Variants in ZNF423 observed in about 807,000 individuals in gnomAD.
ZNF423 encodes the protein Ebf-associated zinc finger protein.
In ZNF423, 12 loss-of-function variants were observed where a neutral mutation model predicts 95.8. That is an observed-to-expected ratio of 0.13 (90% CI 0.08 to 0.20). The LOEUF (loss-of-function observed/expected upper bound fraction) is 0.20, where lower values mean the gene tolerates loss of function less well. Among genes scored for constraint, ZNF423 ranks in the 10% least tolerant of loss-of-function variants. The pLI is 1.00. For missense variants in ZNF423, 1,316 were observed against 1,737.1 expected (o/e 0.76, Z 4.31); for synonymous variants, 749 against 711.9 (o/e 1.05, Z -0.83).
intron 1 of ZNF423, among the ~76,000 whole-genome samples, chr16:49,821,750 G>C (rs1014371503): frequency 6.6e-6 from 1 of 152,154 alleles, no homozygotes; most frequent in East Asian, 1.9e-4. Context: ...GTGTGCGAAG[G>C]CCGAGCCTGG....
chr16:49,541,828 T>C (rs1969259517), intron 5 of ZNF423, among the ~76,000 whole-genome samples: 1 of 152,194 alleles, frequency 6.6e-6, no homozygotes, highest in East Asian at 1.9e-4. Context: ...CCTGCTGCCA[T>C]GTGAAGAAGG....
chr16:49,551,709 G>C (rs1969643913), intron 5 of ZNF423, among the ~76,000 whole-genome samples: 1 of 152,200 alleles, frequency 6.6e-6, no homozygotes, highest in Admixed American at 6.5e-5. Context: ...GGAAGGGTGA[G>C]GAGACCCTCG....
chr16:49,721,028 G>A (rs933238216), intron 3 of ZNF423, among the ~76,000 whole-genome samples: 1 of 152,258 alleles, frequency 6.6e-6, no homozygotes, highest in African/African-American at 2.4e-5. Flanking sequence ...TCGAAAAGGT[G>A]GAGCCTGGAG....
chr16:49,697,760 C>T (rs989610452), intron 3 of ZNF423, among the ~76,000 whole-genome samples: 1 of 152,240 alleles, frequency 6.6e-6, no homozygotes. Context: ...TGTGTCCCAG[C>T]GTGTGCACGT....
chr16:49,758,722 G>A (rs1252497006), intron 2 of ZNF423, among the ~76,000 whole-genome samples: 2 of 152,142 alleles, frequency 1.3e-5, no homozygotes, highest in Non-Finnish European at 2.9e-5. Context: ...CAGCCTGGGC[G>A]ACAGAGTGGT....
At chr16:49,793,949 T>C (rs1597014939) in intron 1 of ZNF423, among the ~76,000 whole-genome samples, 1 of 152,176 alleles carries the variant, frequency 6.6e-6, no homozygotes, top group South Asian at 2.1e-4. Context: ...TCTGTAGCCC[T>C]ACATGTTTTG....
At chr16:49,739,125 G>T (rs2033357047) in intron 2 of ZNF423, among the ~76,000 whole-genome samples, 1 of 152,114 alleles carries the variant, frequency 6.6e-6, no homozygotes, top group Non-Finnish European at 1.5e-5. Flanking sequence ...GCAGCTGGGG[G>T]ACCATGAACA....
intron 1 of ZNF423, among the ~76,000 whole-genome samples, chr16:49,818,914 T>G (rs1348794761): frequency 6.6e-6 from 1 of 151,752 alleles, no homozygotes; most frequent in African/African-American, 2.4e-5. Context: ...TAAATACATA[T>G]TGTTAAAATA....
chr16:49,653,050 A>C (rs1973471491), intron 3 of ZNF423, among the ~76,000 whole-genome samples: 1 of 152,066 alleles, frequency 6.6e-6, no homozygotes. Context: ...ATCAATAATA[A>C]CTCACCCTAT....
intron 3 of ZNF423, among the ~76,000 whole-genome samples, chr16:49,702,551 C>A (rs907102302): frequency 6.6e-6 from 1 of 151,926 alleles, no homozygotes; most frequent in Non-Finnish European, 1.5e-5. Flanking sequence ...AGGGTGGAGG[C>A]GGGGGGCTGG....
At chr16:49,499,304 G>T (rs987722910) in intron 7 of ZNF423, among the ~76,000 whole-genome samples, 1 of 152,222 alleles carries the variant, frequency 6.6e-6, no homozygotes, top group African/African-American at 2.4e-5. Context: ...GCAGCCTGTC[G>T]TCTGCCACCC....
At chr16:49,641,727 C>A (rs1972981917) in intron 3 of ZNF423, among the ~76,000 whole-genome samples, 1 of 152,194 alleles carries the variant, frequency 6.6e-6, no homozygotes, top group South Asian at 2.1e-4. Context: ...AAGGGAATCA[C>A]TGGGAGGAGT....
At chr16:49,536,310 G>GA (rs1331491696) in intron 5 of ZNF423, among the ~76,000 whole-genome samples, 1 of 151,220 alleles carries the variant, frequency 6.6e-6, no homozygotes, top group Admixed American at 6.6e-5. Flanking sequence ...CCCTCCAGCT[G>GA]AAAAAAATAA....
intron 3 of ZNF423, among the ~76,000 whole-genome samples, chr16:49,706,507 G>A (rs1341148326): frequency 2.6e-5 from 4 of 152,254 alleles, no homozygotes; most frequent in Non-Finnish European, 4.4e-5. Context: ...ATTCACAACA[G>A]AGCCAGGTGT....
intron 4 of ZNF423, among the ~76,000 whole-genome samples, chr16:49,628,719 A>G (rs1039964799): frequency 1.3e-5 from 2 of 152,198 alleles, no homozygotes; most frequent in Non-Finnish European, 2.9e-5. Context: ...AATGACCCCA[A>G]GAGTTCCTAC....
chr16:49,763,050 T>A (rs1378663826), intron 2 of ZNF423, among the ~76,000 whole-genome samples: 1 of 151,928 alleles, frequency 6.6e-6, no homozygotes, highest in Non-Finnish European at 1.5e-5. Context: ...GTATTTTTAG[T>A]AGAGATGGGG....
chr16:49,799,800 T>A (rs1184091576), intron 1 of ZNF423, among the ~76,000 whole-genome samples: 1 of 152,230 alleles, frequency 6.6e-6, no homozygotes, highest in Admixed American at 6.5e-5. Context: ...TGGTTTATTT[T>A]ATTTTTTAAG....
At chr16:49,690,423 T>C (rs1465316988) in intron 3 of ZNF423, among the ~76,000 whole-genome samples, 1 of 152,210 alleles carries the variant, frequency 6.6e-6, no homozygotes, top group African/African-American at 2.4e-5. Flanking sequence ...CTTGGGAGGC[T>C]GAGGCAAGAG....
At chr16:49,597,097 C>A (rs940522784) in intron 5 of ZNF423, among the ~76,000 whole-genome samples, 1 of 152,216 alleles carries the variant, frequency 6.6e-6, no homozygotes, top group Admixed American at 6.5e-5. Flanking sequence ...ACAGGAGCAG[C>A]TGGCAAGATG....
Sources: allele counts gnomAD v4.1 joint callset (sites outside exome capture counted in the v4.1 genomes callset), GRCh38; gene constraint gnomAD v4.1.1; transcripts MANE v1.5; gene names NCBI Gene and HGNC (gene_info 2026-07-23, HGNC 2026-07-21).